The following AGMO variants were observed in gnomAD, a reference collection of about 807,000 sequenced individuals.
The protein encoded by AGMO is glyceryl-ether monooxygenase.
In AGMO, 75 loss-of-function variants were observed where a neutral mutation model predicts 60.2. The observed-to-expected ratio is 1.25, with a 90% CI of 1.03 to 1.51. AGMO has a LOEUF of 1.51. AGMO is among the 40% of genes most tolerant of loss of function. The pLI is 0.00. For missense variants in AGMO, 763 were observed against 525.5 expected (o/e 1.45, Z -4.42); for synonymous variants, 261 against 177.1 (o/e 1.47, Z -3.76).
At chr7:15,472,917 T>G (rs1342775143) in intron 3 of AGMO, among the ~76,000 whole-genome samples, 1 of 151,894 alleles carries the variant, frequency 6.6e-6, no homozygotes, top group Non-Finnish European at 1.5e-5. Flanking sequence ...AACAAAGCAA[T>G]AGGAAATCCA....
intron 8 of AGMO, 32 bp from the exon 9 acceptor site, chr7:15,387,572 A>G (rs749198951): frequency 7.1e-5 from 110 of 1,556,086 alleles, no homozygotes; most frequent in South Asian, 1.4e-4. Flanking sequence ...CTTATTTCAC[A>G]TAAGATAAAT....
At chr7:15,344,205 A>G (rs1369621603) in intron 12 of AGMO, among the ~76,000 whole-genome samples, 1 of 152,192 alleles carries the variant, frequency 6.6e-6, no homozygotes, top group Non-Finnish European at 1.5e-5. Flanking sequence ...ACTCAACAAT[A>G]TTTGTTGAAT....
the AGMO span, among the ~76,000 whole-genome samples, chr7:15,126,119 G>C: frequency 6.6e-6 from 1 of 152,048 alleles, no homozygotes; most frequent in Non-Finnish European, 1.5e-5. Flanking sequence ...GACACACATA[G>C]CATAATAGAA....
chr7:15,162,041 C>T, the AGMO span, among the ~76,000 whole-genome samples: 2 of 151,998 alleles, frequency 1.3e-5, no homozygotes, highest in African/African-American at 2.4e-5. Flanking sequence ...GGACGGTTCC[C>T]CCATGCTGTT....
At position 15,447,038 on chromosome 7, in the gene AGMO, G is replaced by A. The variant is rs1019997473; in HGVS notation, c.410-15930C>T. Among the ~76,000 whole-genome samples, 4 of 152,174 alleles carry A rather than the reference G, an allele frequency of 2.6e-5. No homozygotes were observed. In the East Asian group the frequency reaches 5.8e-4, roughly 22 times the overall value. On this transcript the variant is annotated intron_variant, in intron 3 of 12. Coordinates refer to ENST00000342526, the MANE Select transcript of AGMO (RefSeq NM_001004320.2). ...GTAGTTGGACACTGAGGCACCAAAC[G>A]ATGAGATGAAAGGGAATAAATGAAT... is the stretch of plus-strand genomic sequence containing the variant.
intron 12 of AGMO, chr7:15,306,281 A>G (rs922192253): frequency 4.0e-6 from 1 of 247,012 alleles, no homozygotes; most frequent in Non-Finnish European, 8.2e-6. Flanking sequence ...TAATAAATGG[A>G]AAGGGTTTTG....
rs144234793 is a variant in AGMO at position 15,553,715 on chromosome 7, C to A, written c.257+6426G>T. Among the ~76,000 whole-genome samples, 195 of 150,890 alleles carry A rather than the reference C, an allele frequency of 1.3e-3. No homozygotes were observed. The Middle Eastern group carries it at 0.02, about 16-fold the overall frequency. On this transcript the variant is annotated intron_variant, in intron 2 of 12. Coordinates refer to ENST00000342526, the MANE Select transcript of AGMO (RefSeq NM_001004320.2). ...AAAAACTTCCATTTGTAAAAAAATA[C>A]ATAAATAAATAAATAAATAATTTCA...
At chr7:15,119,792 T>A in the AGMO span, among the ~76,000 whole-genome samples, 1 of 152,166 alleles carries the variant, frequency 6.6e-6, no homozygotes, top group African/African-American at 2.4e-5. Context: ...CTGAGCTAAT[T>A]ATTTTATATC....
At chr7:15,519,053 G>C (rs1166489522) in intron 3 of AGMO, among the ~76,000 whole-genome samples, 1 of 151,316 alleles carries the variant, frequency 6.6e-6, no homozygotes, top group Non-Finnish European at 1.5e-5. Flanking sequence ...CTGACAAGCA[G>C]AAGAAAGGAT....
intron 3 of AGMO, among the ~76,000 whole-genome samples, chr7:15,540,105 C>A (rs2115271041): frequency 6.6e-6 from 1 of 152,080 alleles, no homozygotes; most frequent in Admixed American, 6.6e-5. Flanking sequence ...AAGTAGCAAC[C>A]AAAGAATGCA....
chr7:15,224,987 A>C (rs1302098105), intron 12 of AGMO, among the ~76,000 whole-genome samples: 1 of 152,040 alleles, frequency 6.6e-6, no homozygotes, highest in Admixed American at 6.6e-5. Flanking sequence ...ATATATAAAA[A>C]ATAAATGTCC....
At chr7:15,444,889 CCT>C (rs992320777) in intron 3 of AGMO, among the ~76,000 whole-genome samples, 16 of 152,166 alleles carry the variant, frequency 1.1e-4, no homozygotes, top group African/African-American at 3.1e-4. Flanking sequence ...CTGCTTTTCC[CCT>C]GTTTTACTTT....
At chr7:15,246,920 G>A (rs994460489) in intron 12 of AGMO, among the ~76,000 whole-genome samples, 2 of 151,956 alleles carry the variant, frequency 1.3e-5, no homozygotes, top group Non-Finnish European at 2.9e-5. Flanking sequence ...ATTCCTTCCC[G>A]CTCAGCCCCC....
intron 3 of AGMO, among the ~76,000 whole-genome samples, chr7:15,435,400 C>T (rs12530705): frequency 0.46 from 69,456 of 151,094 alleles, 15,974 homozygotes; most frequent in Middle Eastern, 0.57. Context: ...TTAATTTTAT[C>T]TGTATTTATT....
At chr7:15,420,128 T>C (rs1356096270) in intron 4 of AGMO, among the ~76,000 whole-genome samples, 1 of 152,256 alleles carries the variant, frequency 6.6e-6, no homozygotes, top group Non-Finnish European at 1.5e-5. Context: ...TGAATATTTA[T>C]AGTTCATTAT....
At chr7:15,480,526 G>A (rs991322654) in intron 3 of AGMO, among the ~76,000 whole-genome samples, 4 of 152,142 alleles carry the variant, frequency 2.6e-5, no homozygotes, top group Non-Finnish European at 4.4e-5. Context: ...TTAAACAGCA[G>A]GATGTCATAT....
chr7:15,548,960 C>A (rs1315332395), intron 2 of AGMO, among the ~76,000 whole-genome samples: 6 of 150,196 alleles, frequency 4.0e-5, no homozygotes, highest in East Asian at 2.0e-4. Context: ...AGACTAACAG[C>A]GGATCTCTCG....
chr7:15,443,472 C>G (rs1393466473), intron 3 of AGMO, among the ~76,000 whole-genome samples: 1 of 152,186 alleles, frequency 6.6e-6, no homozygotes, highest in East Asian at 1.9e-4. Context: ...TCATTCCCCT[C>G]CTAACACCCA....
chr7:15,374,696 A>G (rs771140681), intron 10 of AGMO, among the ~76,000 whole-genome samples: 1 of 152,116 alleles, frequency 6.6e-6, no homozygotes, highest in African/African-American at 2.4e-5. Context: ...GACATGATCC[A>G]TATTGCACCA....
Sources: allele counts gnomAD v4.1 joint callset (sites outside exome capture counted in the v4.1 genomes callset), GRCh38; gene constraint gnomAD v4.1.1; transcripts MANE v1.5; gene names NCBI Gene and HGNC (gene_info 2026-07-23, HGNC 2026-07-21).